Variants in FER1L6 observed in about 807,000 individuals in gnomAD.
FER1L6 encodes fer-1-like protein 6.
Under a neutral mutation model 219.2 loss-of-function variants are expected in FER1L6, and 177 were observed. The ratio of observed to expected loss-of-function variants is 0.81; its 90% CI spans 0.71 to 0.91. FER1L6 has a LOEUF of 0.91. Among genes scored for constraint, FER1L6 ranks in the 40% least tolerant of loss-of-function variants. The pLI, the probability that FER1L6 is intolerant of heterozygous loss-of-function variation, is 0.00. For missense variants in FER1L6, 2,153 were observed against 2,259.9 expected (o/e 0.95, Z 0.96); for synonymous variants, 768 against 824.3 (o/e 0.93, Z 1.17).
intron 25 of FER1L6, among the ~76,000 whole-genome samples, chr8:124,062,334 A>G (rs904349490): frequency 6.6e-6 from 1 of 152,042 alleles, no homozygotes; most frequent in South Asian, 2.1e-4. Context: ...TCAATTTTGG[A>G]TCTCAGGTGC....
intron 31 of FER1L6, 134 bp from the exon 32 acceptor site, chr8:124,076,064 G>T: frequency 8.9e-7 from 1 of 1,128,256 alleles, no homozygotes. Flanking sequence ...AAAGCCCAAA[G>T]CCCTGGCCCG....
chr8:124,061,766 C>T (rs1468927142), intron 24 of FER1L6, 86 bp from the exon 25 acceptor site: 7 of 1,336,378 alleles, frequency 5.2e-6, no homozygotes, highest in Middle Eastern at 2.6e-4. Context: ...AAGGCAGAGA[C>T]AAGGGAGACT....
At chr8:124,066,655 T>A in intron 27 of FER1L6, 105 bp downstream of exon 27, 1 of 1,250,484 alleles carries the variant, frequency 8.0e-7, no homozygotes, top group South Asian at 1.5e-5. Context: ...CCACTATACA[T>A]AGACCCTACT....
At chr8:124,094,394 C>T (rs181868715) in intron 34 of FER1L6, among the ~76,000 whole-genome samples, 8 of 152,134 alleles carry the variant, frequency 5.3e-5, no homozygotes, top group African/African-American at 1.9e-4. Flanking sequence ...CTAAACTTTC[C>T]ATCTCTTTCC....
At chr8:123,973,600 G>GAATGA in intron 7 of FER1L6, 88 bp downstream of exon 7, 1 of 963,554 alleles carries the variant, frequency 1.0e-6, no homozygotes, top group Non-Finnish European at 1.7e-6. Flanking sequence ...TCACCTGTGT[G>GAATGA]ACCATTCATT....
At chr8:123,936,885 T>C (rs2129964019) in intron 1 of FER1L6, among the ~76,000 whole-genome samples, 1 of 152,332 alleles carries the variant, frequency 6.6e-6, no homozygotes, top group Non-Finnish European at 1.5e-5. Flanking sequence ...GTTATCCTCA[T>C]ACAAGGGTCT....
chr8:124,108,259 G>A (rs747177548), intron 39 of FER1L6, among the ~76,000 whole-genome samples: 2 of 152,176 alleles, frequency 1.3e-5, no homozygotes, highest in Admixed American at 6.5e-5. Flanking sequence ...TGGGTTCAAA[G>A]TCTGGCTCTA....
At chr8:123,923,022 C>T (rs935643274) in intron 1 of FER1L6, among the ~76,000 whole-genome samples, 1 of 152,142 alleles carries the variant, frequency 6.6e-6, no homozygotes, top group African/African-American at 2.4e-5. Flanking sequence ...CTCAGTCTAG[C>T]CACATCCTTC....
At chr8:123,869,931 G>T (rs1390515170) in intron 1 of FER1L6, among the ~76,000 whole-genome samples, 1 of 152,186 alleles carries the variant, frequency 6.6e-6, no homozygotes, top group Non-Finnish European at 1.5e-5. Context: ...AAGGTGCAAA[G>T]GCAATTGGAT....
intron 1 of FER1L6, among the ~76,000 whole-genome samples, chr8:123,895,486 T>A (rs1389322515): frequency 6.6e-6 from 1 of 152,154 alleles, no homozygotes; most frequent in African/African-American, 2.4e-5. Context: ...GAAGGAACTG[T>A]TGGTTTACAA....
chr8:123,917,005 AT>A (rs1423065490), intron 1 of FER1L6, among the ~76,000 whole-genome samples: 1 of 152,206 alleles, frequency 6.6e-6, no homozygotes, highest in Admixed American at 6.5e-5. Flanking sequence ...GACATTTTGG[AT>A]AAAAGAGAGC....
At chr8:123,942,548 C>A (rs528783047) in intron 1 of FER1L6, among the ~76,000 whole-genome samples, 3 of 152,214 alleles carry the variant, frequency 2.0e-5, no homozygotes, top group African/African-American at 7.2e-5. Flanking sequence ...ATCATGAAGA[C>A]GATGGGGGAG....
chr8:123,908,376 C>A (rs1812994605), intron 1 of FER1L6, among the ~76,000 whole-genome samples: 1 of 152,194 alleles, frequency 6.6e-6, no homozygotes, highest in Non-Finnish European at 1.5e-5. Flanking sequence ...AGGGCCAAAG[C>A]AAATTTATTG....
intron 15 of FER1L6, 73 bp downstream of exon 15, chr8:124,013,604 TCGTCG>T (rs1488061338): frequency 2.0e-6 from 2 of 1,013,776 alleles, no homozygotes; most frequent in African/African-American, 3.3e-5. Flanking sequence ...CTTGAGAAAG[TCGTCG>T]ATTTCACATG....
At chr8:124,051,486 C>T (rs1820025590) in intron 22 of FER1L6, among the ~76,000 whole-genome samples, 2 of 152,126 alleles carry the variant, frequency 1.3e-5, no homozygotes, top group Admixed American at 1.3e-4. Flanking sequence ...TGGGTTTCAC[C>T]TGCAAAATGG....
At chr8:124,088,645 AGGCCCAT>A (rs890073641) in intron 33 of FER1L6, among the ~76,000 whole-genome samples, 1 of 152,024 alleles carries the variant, frequency 6.6e-6, no homozygotes, top group Admixed American at 6.5e-5. Context: ...GTTTAACCCA[AGGCCCAT>A]GGCAAGTACT....
intron 1 of FER1L6, among the ~76,000 whole-genome samples, chr8:123,937,661 C>T (rs1337821994): frequency 5.3e-5 from 8 of 152,102 alleles, no homozygotes; most frequent in Non-Finnish European, 1.2e-4. Context: ...GAACTTCTTT[C>T]TGATTCTTTT....
chr8:123,955,651 T>C (rs1303398585), intron 1 of FER1L6, among the ~76,000 whole-genome samples: 2 of 152,204 alleles, frequency 1.3e-5, no homozygotes, highest in Admixed American at 6.5e-5. Context: ...GCTGTGGTGA[T>C]AAATGATGTG....
intron 11 of FER1L6, among the ~76,000 whole-genome samples, chr8:123,983,051 T>C (rs1338395956): frequency 1.3e-5 from 2 of 152,232 alleles, no homozygotes; most frequent in Non-Finnish European, 2.9e-5. Flanking sequence ...GGTTTCATTT[T>C]TTGAGGGGAA....
Sources: gnomAD v4.1 joint callset for allele counts (sites outside exome capture counted in the v4.1 genomes callset) on GRCh38, gnomAD v4.1.1 for gene constraint, MANE v1.5 for transcripts, NCBI Gene and HGNC (gene_info 2026-07-23, HGNC 2026-07-21) for gene names.